Variants in MPRIP observed in about 807,000 individuals in gnomAD.
MPRIP encodes myosin phosphatase Rho-interacting protein.
MPRIP carries 59 observed loss-of-function variants against 234.9 expected under a neutral mutation model. That is an observed-to-expected ratio of 0.25 (90% CI 0.20 to 0.31). The LOEUF is 0.31. Among genes scored for constraint, MPRIP ranks in the 10% least tolerant of loss-of-function variants. MPRIP has a pLI of 1.00. For synonymous variants in MPRIP, 1,144 were observed against 1,263.9 expected, an observed-to-expected ratio of 0.91 and a Z score of 2.01; for missense variants, 2,436 against 3,071.0, an observed-to-expected ratio of 0.79 and a Z score of 4.89.
chr17:17,174,454 A>G (rs2046211590), intron 19 of MPRIP, among the ~76,000 whole-genome samples: 1 of 152,180 alleles, frequency 6.6e-6, no homozygotes, highest in Non-Finnish European at 1.5e-5. Context: ...CCAATCCTCC[A>G]GGATCCTGTC....
intron 11 of MPRIP, among the ~76,000 whole-genome samples, chr17:17,148,267 G>C (rs1171199302): frequency 6.6e-6 from 1 of 152,240 alleles, no homozygotes; most frequent in African/African-American, 2.4e-5. Flanking sequence ...GTGCATAGAA[G>C]AGCACTTCCG....
intron 11 of MPRIP, chr17:17,149,733 TA>T (rs1304812511): frequency 3.0e-5 from 3 of 99,760 alleles, no homozygotes; most frequent in African/African-American, 7.6e-5. Context: ...ATGTATAAAA[TA>T]TATTTTATAA....
chr17:17,129,648 C>T (rs1208476188), intron 4 of MPRIP, among the ~76,000 whole-genome samples: 2 of 152,210 alleles, frequency 1.3e-5, no homozygotes, highest in South Asian at 2.1e-4. Flanking sequence ...AGCAGCTCCA[C>T]GTAGTCAGCA....
intron 3 of MPRIP, among the ~76,000 whole-genome samples, chr17:17,082,600 G>A (rs983929265): frequency 2.6e-5 from 4 of 152,086 alleles, no homozygotes; most frequent in Admixed American, 6.6e-5. Context: ...CGGTCTGTTC[G>A]AATGTTTTTA....
chr17:17,044,942 G>A (rs2088296755), intron 1 of MPRIP, among the ~76,000 whole-genome samples: 1 of 152,106 alleles, frequency 6.6e-6, no homozygotes, highest in Non-Finnish European at 1.5e-5. Context: ...CTACCTCCTG[G>A]GATCTTTCAG....
rs149418615 is a variant in MPRIP, at chr17:17,159,108, G to A, written c.2400+106G>A. 4.3e-4 allele frequency: 521 copies of A among 1,211,968 alleles called. 3 individuals are homozygous for A. Among genetic ancestry groups the A allele is most frequent in the Non-Finnish European group, 5.0e-4 (441 of 873,836 alleles). 75.1% of individuals were successfully genotyped at this position (1,211,968 alleles called of 1,614,324 possible). ...GGTTCATCTAGACAGTCCTACCCGC[G>A]AGGGACTTGCAGACCCCTAGGGGAG... On this transcript the variant is annotated intron_variant, in intron 14 of 23. Transcript: ENST00000651222.
chr17:17,162,063 G>A (rs2045884045), intron 15 of MPRIP, among the ~76,000 whole-genome samples: 1 of 152,252 alleles, frequency 6.6e-6, no homozygotes, highest in Non-Finnish European at 1.5e-5. Flanking sequence ...TTGAGTGGTA[G>A]AGGAGATTGT....
At chr17:17,172,850 G>C (rs149717393) in intron 18 of MPRIP, 35 bp downstream of exon 18, 2 of 1,568,436 alleles carry the variant, frequency 1.3e-6, no homozygotes, top group South Asian at 2.2e-5. Context: ...GCCCTTGGGA[G>C]GGCCCCTCTG....
intron 1 of MPRIP, among the ~76,000 whole-genome samples, chr17:17,056,915 A>G (rs531004181): frequency 6.6e-6 from 1 of 152,326 alleles, no homozygotes; most frequent in South Asian, 2.1e-4. Context: ...ACTTGGCCTA[A>G]TGCTTTCAAG....
Position 17,185,574 on chromosome 17 carries a change from T to TCCTC in MPRIP, c.*683_*684insCCCT, listed in dbSNP as rs2046459911. 1 of 414,892 alleles carries TCCTC rather than the reference T, an allele frequency of 2.4e-6. No individual in the cohort carries two copies. The highest frequency in any genetic ancestry group is 2.9e-5 in the African/African-American group (1 of 33,952). 25.7% of individuals were successfully genotyped at this position (414,892 alleles called of 1,614,324 possible). Reference sequence around the variant, plus strand: ...TCTTGCACAAAATCCCCGGCCCCTCTCCTTCCTTCCTTCCTTCCTTCCTCC... The same window carrying TCCTC: ...TCTTGCACAAAATCCCCGGCCCCTCTCCTCCCTTCCTTCCTTCCTTCCTTCCTCC... On this transcript the variant is annotated 3_prime_UTR_variant, in exon 24 of 24. Coordinates refer to ENST00000651222, the MANE Select transcript of MPRIP (RefSeq NM_001364716.4).
chr17:17,167,813 G>A lies in MPRIP; in HGVS notation c.6222G>A (p.Glu2074=), dbSNP rs1225769745. ...TGLRERIQEL[E]AQMDVMREEL... is the part of the protein sequence containing the mutation. ...TGAGGGAGCGCATCCAGGAGCTGGA[G>A]GCCCAGATGGATGTCATGCGGGAGG... is the stretch of plus-strand genomic sequence containing the variant. The change falls in exon 16 of 24, where the codon GAG becomes GAA. Residue 2074 remains glutamate, a synonymous_variant. Transcript: ENST00000651222. The surrounding 1 kb of genome is among the most constrained non-coding windows in gnomAD (Gnocchi z 5.9). 3.1e-6 allele frequency: 4 copies of A among 1,304,214 alleles called. No homozygotes were observed. In the African/African-American group the frequency reaches 6.1e-5, roughly 20 times the overall value. The allele number at this position is 1,304,214 out of a possible 1,614,324, so 80.8% of individuals were successfully genotyped here.
intron 2 of MPRIP, 131 bp from the exon 3 acceptor site, chr17:17,077,880 C>A: frequency 1.2e-6 from 1 of 857,374 alleles, no homozygotes; most frequent in Non-Finnish European, 1.9e-6. Flanking sequence ...TTCCTGCCAC[C>A]TGCCCCAGAA....
intron 3 of MPRIP, among the ~76,000 whole-genome samples, chr17:17,085,649 C>G (rs1445187919): frequency 6.6e-6 from 1 of 152,224 alleles, no homozygotes. Flanking sequence ...TGTGGTGGCT[C>G]ACGCCTGTAA....
At chr17:17,109,196 C>G (rs1273747794) in intron 3 of MPRIP, among the ~76,000 whole-genome samples, 5 of 152,200 alleles carry the variant, frequency 3.3e-5, no homozygotes, top group Admixed American at 3.3e-4. Context: ...CTGCTGAGCT[C>G]GTGGGTATAT....
rs370276378 is a variant in MPRIP, at chr17:17,161,365, G to A, written c.2517+9G>A. The A allele has an allele frequency of 1.2e-4, 182 of 1,558,646 alleles. No homozygotes were observed. The South Asian group carries it at 2.0e-3, about 17-fold the overall frequency. On this transcript the variant is annotated intron_variant, in intron 15 of 23. Coordinates refer to ENST00000651222, the MANE Select transcript of MPRIP (RefSeq NM_001364716.4). ...AGGGCTACGTGCTGCAGGTAGGGTG[G>A]AGGGGCTGCTGTGGCCCATGGTGCG...
intron 1 of MPRIP, among the ~76,000 whole-genome samples, chr17:17,061,402 G>A (rs1034837923): frequency 4.6e-5 from 7 of 152,242 alleles, no homozygotes; most frequent in African/African-American, 1.4e-4. Flanking sequence ...TGCTGTGAGT[G>A]TGGAAGTGTT....
In MPRIP at chr17:17,142,689, C is replaced by G; in HGVS notation, c.1313C>G (p.Thr438Ser). The G allele has an allele frequency of 6.2e-7, 1 of 1,612,204 alleles. No individual in the cohort carries two copies. Residue 438 changes from threonine (T) to serine (S), a missense_variant, in exon 8 of 24, where the codon ACC becomes AGC. Thr to Ser is a moderately conservative substitution (Grantham distance 58). This residue lies in a region of MPRIP where 267 missense variants were observed against 252.7 expected (regional missense o/e 1.06). Transcript: ENST00000651222. Reference sequence around the variant, plus strand: ...ATTGAGAAGGCAGAGCACATGGAGACCAATGCAGTGGGGCCCTCACCATCC... The same window carrying G: ...ATTGAGAAGGCAGAGCACATGGAGAGCAATGCAGTGGGGCCCTCACCATCC... ...LDIEKAEHMETNAVGPSPSSD... is the reference protein window; with the variant it reads ...LDIEKAEHMESNAVGPSPSSD...
rs574453724 is a variant in MPRIP, at chr17:17,115,384, G to A, written c.268-11318G>A. The stretch of plus-strand genomic sequence containing the variant: ...AGGAAGCCTGGGCCTGAGTTTCCAC[G>A]TCCAGACGTTAGGGAGAGGTGGGGT... On this transcript the variant is annotated intron_variant, in intron 3 of 23. Coordinates refer to ENST00000651222, the MANE Select transcript of MPRIP (RefSeq NM_001364716.4). 7.9e-5 allele frequency among the ~76,000 whole-genome samples: 12 copies of A among 152,332 alleles called. No individual in the cohort carries two copies. In the South Asian group the frequency reaches 1.0e-3, roughly 13 times the overall value.
chr17:17,102,567 G>T (rs1169221127), intron 3 of MPRIP, among the ~76,000 whole-genome samples: 1 of 152,238 alleles, frequency 6.6e-6, no homozygotes, highest in African/African-American at 2.4e-5. Context: ...TTTCTCACCT[G>T]TGCAGTGGTG....
Sources: gnomAD v4.1 joint callset for allele counts (sites outside exome capture counted in the v4.1 genomes callset) on GRCh38, gnomAD v4.1.1 for gene constraint, gnomAD v4.1.1 regional missense constraint, Gnocchi (gnomAD v3.1) non-coding constraint, MANE v1.5 for transcripts, NCBI Gene and HGNC (gene_info 2026-07-23, HGNC 2026-07-21) for gene names.